ATP8A2: variants seen among roughly 807,000 people sequenced by gnomAD.
The protein encoded by ATP8A2 is ATPase phospholipid transporting 8A2, also known as phospholipid-transporting ATPase IB.
In ATP8A2, 100 loss-of-function variants were observed where a neutral mutation model predicts 165.6. That is an observed-to-expected ratio of 0.60 (90% CI 0.51 to 0.71). ATP8A2 has a LOEUF of 0.71. Ranked by LOEUF, ATP8A2 falls within the 30% of genes least tolerant of loss-of-function variation. The pLI, the probability that ATP8A2 is intolerant of heterozygous loss-of-function variation, is 0.00. For missense variants in ATP8A2, 1,227 were observed against 1,479.5 expected, an observed-to-expected ratio of 0.83 and a Z score of 2.80; for synonymous variants, 543 against 548.8, an observed-to-expected ratio of 0.99 and a Z score of 0.15.
intron 35 of ATP8A2, among the ~76,000 whole-genome samples, chr13:25,974,845 C>G (rs189063378): frequency 4.7e-4 from 72 of 152,246 alleles, no homozygotes; most frequent in African/African-American, 1.7e-3. Context: ...CCCCCTGGTC[C>G]CTTGGGGTGG....
chr13:25,703,049 A>G (rs1335873705), intron 25 of ATP8A2, among the ~76,000 whole-genome samples: 1 of 152,050 alleles, frequency 6.6e-6, no homozygotes, highest in African/African-American at 2.4e-5. Context: ...CCAGCTTCAT[A>G]TGGAATCATC....
In ATP8A2 at chr13:25,769,158, C is replaced by A. The variant is rs1025869777; in HGVS notation, c.2497C>A (p.His833Asn). 6.2e-7 allele frequency: 1 copy of A among 1,614,050 alleles called. No homozygotes were observed. Residue 833 changes from histidine (H) to asparagine (N), a missense_variant, in exon 26 of 37, where the codon CAC (histidine) becomes AAC (asparagine). His to Asn is a moderately conservative substitution (Grantham distance 68). Coordinates refer to ENST00000381655, the MANE Select transcript of ATP8A2 (RefSeq NM_016529.6). ...ANDVGMIQTA[H>N]VGVGISGNEG... ...CGATGTCGGGATGATCCAGACAGCC[C>A]ACGTGGGTGTGGGAATCAGTGGGAA...
chr13:25,616,487 A>G (rs995017527), intron 24 of ATP8A2, among the ~76,000 whole-genome samples: 2 of 151,674 alleles, frequency 1.3e-5, no homozygotes, highest in Non-Finnish European at 2.9e-5. Context: ...ACCCGCCACC[A>G]TGCACAGATA....
chr13:25,721,869 C>T (rs764249438), intron 25 of ATP8A2, among the ~76,000 whole-genome samples: 2 of 152,194 alleles, frequency 1.3e-5, no homozygotes, highest in African/African-American at 2.4e-5. Flanking sequence ...GCTATTTCCA[C>T]CTTTTATTGT....
intron 24 of ATP8A2, among the ~76,000 whole-genome samples, chr13:25,612,888 G>T (rs66719420): frequency 0.12 from 18,362 of 152,118 alleles, 1,422 homozygotes; most frequent in Non-Finnish European, 0.18. Flanking sequence ...ATTATATAAT[G>T]TTCCTCTTTG....
chr13:25,876,600 T>C (rs1952825359), intron 33 of ATP8A2, among the ~76,000 whole-genome samples: 1 of 152,134 alleles, frequency 6.6e-6, no homozygotes, highest in Non-Finnish European at 1.5e-5. Context: ...AGACTGACCA[T>C]GAAAAAAGAT....
In ATP8A2 at chr13:25,589,368, G is replaced by C. The variant is rs530364434; in HGVS notation, c.2147-267G>C. ...TAGACGATCCAAGGCTTATCTTAAT[G>C]TTATACAAGGATAACAGAGATAAAG... is the stretch of plus-strand genomic sequence containing the variant. On this transcript the variant is annotated intron_variant, in intron 23 of 36. Coordinates refer to ENST00000381655, the MANE Select transcript of ATP8A2 (RefSeq NM_016529.6). 8.5e-5 allele frequency among the ~76,000 whole-genome samples: 13 copies of C among 152,244 alleles called. No individual in the cohort carries two copies. The East Asian group carries it at 2.5e-3, about 29-fold the overall frequency.
At chr13:25,981,844 C>T (rs1956175050) in intron 35 of ATP8A2, among the ~76,000 whole-genome samples, 1 of 151,980 alleles carries the variant, frequency 6.6e-6, no homozygotes, top group South Asian at 2.1e-4. Context: ...GAGTAAGGCA[C>T]ATTTAATTAT....
chr13:25,398,747 T>A (rs943527912), intron 1 of ATP8A2, among the ~76,000 whole-genome samples: 10 of 152,188 alleles, frequency 6.6e-5, no homozygotes, highest in Non-Finnish European at 1.0e-4. Context: ...TTATTTCCAA[T>A]ACAACATGAT....
At chr13:25,602,791 G>T (rs770274079) in intron 24 of ATP8A2, among the ~76,000 whole-genome samples, 1 of 152,212 alleles carries the variant, frequency 6.6e-6, no homozygotes, top group African/African-American at 2.4e-5. Flanking sequence ...GGATATCTGG[G>T]CCAGGCACAG....
At chr13:25,626,940 C>G (rs1322790470) in intron 24 of ATP8A2, among the ~76,000 whole-genome samples, 1 of 152,110 alleles carries the variant, frequency 6.6e-6, no homozygotes, top group Non-Finnish European at 1.5e-5. Flanking sequence ...GTTACTTATT[C>G]ACTACCACAA....
At chr13:25,676,935 C>T (rs1172315539) in intron 24 of ATP8A2, among the ~76,000 whole-genome samples, 1 of 152,104 alleles carries the variant, frequency 6.6e-6, no homozygotes, top group Non-Finnish European at 1.5e-5. Flanking sequence ...ATTTAGGAAA[C>T]CTCTAACTTC....
intron 24 of ATP8A2, among the ~76,000 whole-genome samples, chr13:25,641,518 G>C (rs1399472286): frequency 6.6e-6 from 1 of 152,084 alleles, no homozygotes; most frequent in Non-Finnish European, 1.5e-5. Context: ...GCTTCAAAGA[G>C]AATAAAATAC....
intron 25 of ATP8A2, among the ~76,000 whole-genome samples, chr13:25,738,348 C>CG (rs200368400): frequency 1.8e-5 from 2 of 108,884 alleles, no homozygotes; most frequent in East Asian, 4.5e-4. Context: ...CCTCCCCCCC[C>CG]CCCACACACA....
chr13:25,543,678 C>T (rs895818867), intron 10 of ATP8A2, among the ~76,000 whole-genome samples: 1 of 152,128 alleles, frequency 6.6e-6, no homozygotes, highest in South Asian at 2.1e-4. Context: ...TGGACTTAAG[C>T]GGGAATTAGT....
At chr13:25,719,596 A>G (rs2138024442) in intron 25 of ATP8A2, among the ~76,000 whole-genome samples, 1 of 152,316 alleles carries the variant, frequency 6.6e-6, no homozygotes, top group Non-Finnish European at 1.5e-5. Context: ...TTGAGATGAG[A>G]TGGCAGATAA....
At chr13:25,639,629 CT>C (rs1360963185) in intron 24 of ATP8A2, among the ~76,000 whole-genome samples, 1 of 152,160 alleles carries the variant, frequency 6.6e-6, no homozygotes. Flanking sequence ...TACAAAGAGA[CT>C]CAGACTCCCA....
intron 33 of ATP8A2, among the ~76,000 whole-genome samples, chr13:25,936,178 T>C (rs1954883642): frequency 6.6e-6 from 1 of 152,248 alleles, no homozygotes; most frequent in Admixed American, 6.5e-5. Context: ...GTGTTTCCTC[T>C]GTGTTGCAAA....
At chr13:25,624,958 C>A (rs2137478158) in intron 24 of ATP8A2, among the ~76,000 whole-genome samples, 1 of 152,278 alleles carries the variant, frequency 6.6e-6, no homozygotes, top group Non-Finnish European at 1.5e-5. Flanking sequence ...GGAATTATCT[C>A]TAAAGATATA....
Sources: gnomAD v4.1 joint callset for allele counts (sites outside exome capture counted in the v4.1 genomes callset) on GRCh38, gnomAD v4.1.1 for gene constraint, MANE v1.5 for transcripts, NCBI Gene and HGNC (gene_info 2026-07-23, HGNC 2026-07-21) for gene names.